PGAP2: variants seen among roughly 807,000 people sequenced by gnomAD.
PGAP2 encodes the protein post-GPI attachment to proteins 2.
In PGAP2, 21 loss-of-function variants were observed where a neutral mutation model predicts 33.2. That is an observed-to-expected ratio of 0.63 (90% CI 0.45 to 0.91). The LOEUF (loss-of-function observed/expected upper bound fraction) is 0.91, where lower values mean the gene tolerates loss of function less well. PGAP2 is among the 40% of genes least tolerant of loss of function. The pLI, the probability that PGAP2 is intolerant of heterozygous loss-of-function variation, is 0.00. For missense variants in PGAP2, 345 were observed against 424.0 expected, an observed-to-expected ratio of 0.81 and a Z score of 1.64; for synonymous variants, 161 against 172.9, an observed-to-expected ratio of 0.93 and a Z score of 0.54.
At chr11:3,819,111 T>G (rs1235637902) in intron 3 of PGAP2, among the ~76,000 whole-genome samples, 1 of 152,224 alleles carries the variant, frequency 6.6e-6, no homozygotes, top group Non-Finnish European at 1.5e-5. Flanking sequence ...TACAGTGACC[T>G]GATCTTGGCT....
chr11:3,824,654 T>A (rs1005574082), intron 5 of PGAP2: 13 of 722,810 alleles, frequency 1.8e-5, no homozygotes, highest in African/African-American at 1.6e-4. Flanking sequence ...TAGGCGGCAG[T>A]GAGTTAGGAA....
At chr11:3,800,889 T>C (rs2083345888) in intron 1 of PGAP2, among the ~76,000 whole-genome samples, 1 of 151,656 alleles carries the variant, frequency 6.6e-6, no homozygotes, top group Non-Finnish European at 1.5e-5. Flanking sequence ...TCCCAGCACT[T>C]TTGGAGGCTG....
upstream of PGAP2, among the ~76,000 whole-genome samples, chr11:3,803,804 T>TTC (rs1297440203): frequency 2.6e-5 from 4 of 151,042 alleles, no homozygotes; most frequent in Non-Finnish European, 5.9e-5. Context: ...TATATTTTTT[T>TTC]TTTTGAGACA....
In PGAP2 at chr11:3,811,103, G is replaced by T. The variant is rs894974138; in HGVS notation, c.-10-147G>T. On this transcript the variant is annotated intron_variant, in intron 1 of 6. Coordinates refer to ENST00000278243, the MANE Select transcript of PGAP2 (RefSeq NM_014489.4). The surrounding 1 kb of genome is among the most constrained non-coding windows in gnomAD (Gnocchi z 4.6). Reference sequence around the variant, plus strand: ...AGTCAGTCTTCCTCATCCAGGGCAAGAGCTATCCAAGTTTAGGTGCCTTCC... The same window carrying T: ...AGTCAGTCTTCCTCATCCAGGGCAATAGCTATCCAAGTTTAGGTGCCTTCC... 1.6e-6 allele frequency: 1 copy of T among 619,110 alleles called. No homozygotes were observed. The highest frequency in any genetic ancestry group is 2.8e-6 in the Non-Finnish European group (1 of 358,082). 38.4% of individuals were successfully genotyped at this position (619,110 alleles called of 1,614,324 possible).
Position 3,808,599 on chromosome 11 carries a change from C to G in PGAP2, c.-63C>G, listed in dbSNP as rs959974822. On this transcript the variant is annotated 5_prime_UTR_variant, in exon 1 of 7. Transcript: ENST00000278243. ...CAGCCCGCAGAGCCAGCCCCCGACC[C>G]CGGGCCACCTGGGCCCCCGGGTTCC... 13 of 1,339,112 alleles carry G rather than the reference C, an allele frequency of 9.7e-6. No individual in the cohort carries two copies. The highest frequency in any genetic ancestry group is 1.2e-5 in the Non-Finnish European group (13 of 1,045,268). The allele number at this position is 1,339,112 out of a possible 1,614,324, so 83.0% of individuals were successfully genotyped here. A position where few individuals can be genotyped will look rare whatever the true frequency, so the allele number is the denominator to read the frequency against.
chr11:3,806,597 C>CT (rs2084384586), upstream of PGAP2, among the ~76,000 whole-genome samples: 4 of 152,254 alleles, frequency 2.6e-5, no homozygotes, highest in South Asian at 8.3e-4. Context: ...TCAACAAATG[C>CT]TAAGTGGCAT....
upstream of PGAP2, among the ~76,000 whole-genome samples, chr11:3,804,904 G>A (rs139898261): frequency 1.1e-4 from 17 of 152,274 alleles, no homozygotes; most frequent in African/African-American, 2.9e-4. Context: ...GTTTTGTCAC[G>A]TTGGCCAGAC....
rs1220538255 is a variant in PGAP2, at chr11:3,811,986, T to C, written c.165+562T>C. ...ATAATGGGTTTGAGTGGGTCGTGTGTGAGAGAGACTATATCTGTGCCTGTC... is the reference window on the plus strand; with the variant it reads ...ATAATGGGTTTGAGTGGGTCGTGTGCGAGAGAGACTATATCTGTGCCTGTC... On this transcript the variant is annotated intron_variant, in intron 2 of 6. Transcript: ENST00000278243. This position sits in a 1 kb window ranked among gnomAD's most constrained non-coding sequence, Gnocchi z 4.6. 2.6e-5 allele frequency among the ~76,000 whole-genome samples: 4 copies of C among 152,076 alleles called. No homozygotes were observed. Among genetic ancestry groups the C allele is most frequent in the African/African-American group, 9.7e-5 (4 of 41,392 alleles).
At chr11:3,806,955 A>G (rs1237854460), upstream of PGAP2, among the ~76,000 whole-genome samples, 1 of 150,914 alleles carries the variant, frequency 6.6e-6, no homozygotes, top group African/African-American at 2.4e-5. Context: ...CGGGAGGTGG[A>G]GGTTGCAGTG....
chr11:3,814,440 A>G (rs1332892118), intron 2 of PGAP2, among the ~76,000 whole-genome samples: 1 of 151,780 alleles, frequency 6.6e-6, no homozygotes, highest in African/African-American at 2.4e-5. Context: ...TATTTTTGGT[A>G]TTGACGGGGT....
chr11:3,798,631 A>G (rs2082948895), intron 1 of PGAP2, among the ~76,000 whole-genome samples: 1 of 83,218 alleles, frequency 1.2e-5, no homozygotes, highest in Non-Finnish European at 2.3e-5. Context: ...TCGCCCATGA[A>G]CTAATTTTTT....
upstream of PGAP2, among the ~76,000 whole-genome samples, chr11:3,803,798 T>TATATA (rs34013945): frequency 2.8e-5 from 1 of 35,130 alleles, no homozygotes; most frequent in African/African-American, 6.3e-5. Flanking sequence ...TATATATATA[T>TATATA]TTTTTTTTTT....
At chr11:3,816,775 T>C (rs2087125454) in intron 2 of PGAP2, among the ~76,000 whole-genome samples, 1 of 152,134 alleles carries the variant, frequency 6.6e-6, no homozygotes, top group Non-Finnish European at 1.5e-5. Context: ...CTCCCTCTGT[T>C]CCTAGTTGAA....
upstream of PGAP2, among the ~76,000 whole-genome samples, chr11:3,806,540 G>A (rs1437280885): frequency 6.6e-6 from 1 of 152,136 alleles, no homozygotes; most frequent in African/African-American, 2.4e-5. Flanking sequence ...CCTAGACTGG[G>A]TGAATGAACA....
intron 2 of PGAP2, among the ~76,000 whole-genome samples, chr11:3,814,893 TCCCTTTCCCTTG>T (rs1250929114): frequency 2.0e-5 from 3 of 150,534 alleles, no homozygotes; most frequent in East Asian, 1.9e-4. Context: ...TCCTTCCCTT[TCCCTTTCCCTTG>T]CCCTTTCCCT....
chr11:3,818,887 G>A (rs1051952994), intron 3 of PGAP2, among the ~76,000 whole-genome samples: 1 of 152,168 alleles, frequency 6.6e-6, no homozygotes, highest in Non-Finnish European at 1.5e-5. Context: ...TGGACATTGG[G>A]GATCACTTTC....
intron 2 of PGAP2, among the ~76,000 whole-genome samples, chr11:3,814,808 CTTTCTCTTTCTTTCTTTT>C (rs2086562955): frequency 1.6e-5 from 2 of 121,706 alleles, no homozygotes; most frequent in African/African-American, 6.0e-5. Context: ...TTCTTTCTTT[CTTTCTCTTTCTTTCTTTT>C]TTTCTTTTTT....
At chr11:3,806,535 A>T (rs181076053), upstream of PGAP2, among the ~76,000 whole-genome samples, 66 of 152,270 alleles carry the variant, frequency 4.3e-4, no homozygotes, top group African/African-American at 1.5e-3. Context: ...GAGGGCCTAG[A>T]CTGGGTGAAT....
chr11:3,798,799 G>A (rs951340946), intron 1 of PGAP2, among the ~76,000 whole-genome samples: 2 of 151,362 alleles, frequency 1.3e-5, no homozygotes, highest in African/African-American at 2.4e-5. Context: ...ACTCGCCGCC[G>A]CGCCCAGCTG....
Sources: allele counts gnomAD v4.1 joint callset (sites outside exome capture counted in the v4.1 genomes callset), GRCh38; gene constraint gnomAD v4.1.1; non-coding constraint Gnocchi (gnomAD v3.1); transcripts MANE v1.5; gene names NCBI Gene and HGNC (gene_info 2026-07-23, HGNC 2026-07-21).